Variants in NEGR1 observed in about 807,000 individuals in gnomAD.
NEGR1 encodes the protein neuronal growth regulator 1.
A neutral mutation model predicts 40.9 loss-of-function variants in NEGR1; 10 were observed. The observed-to-expected ratio is 0.24, with a 90% CI of 0.15 to 0.42. NEGR1 has a LOEUF of 0.42. NEGR1 is among the 10% of genes least tolerant of loss of function. The probability of loss-of-function intolerance (pLI) is 1.00; values close to 1 mark genes in which losing one functional copy is unlikely to be tolerated. For missense variants in NEGR1, 352 were observed against 438.9 expected, an observed-to-expected ratio of 0.80 and a Z score of 1.77; for synonymous variants, 185 against 166.8, an observed-to-expected ratio of 1.11 and a Z score of -0.84.
chr1:71,898,964 CATATATATATATATAGCATATATATATAT>C (rs1365883708), intron 2 of NEGR1, among the ~76,000 whole-genome samples: 46 of 95,936 alleles, frequency 4.8e-4, no homozygotes, highest in African/African-American at 1.9e-3. Context: ...ATATATATAG[CATATATATATATATAGCATATATATATAT>C]ATATATATAT....
At chr1:71,994,657 C>G (rs530357443) in intron 1 of NEGR1, among the ~76,000 whole-genome samples, 7 of 152,008 alleles carry the variant, frequency 4.6e-5, no homozygotes, top group African/African-American at 1.7e-4. Flanking sequence ...TTTGGTGTGT[C>G]ATTGTTTATT....
chr1:72,124,899 A>T (rs1489392167), intron 1 of NEGR1, among the ~76,000 whole-genome samples: 1 of 152,120 alleles, frequency 6.6e-6, no homozygotes, highest in African/African-American at 2.4e-5. Context: ...ATAATTTCTC[A>T]TTTGATAACA....
chr1:71,458,070 A>G (rs1294379399), intron 6 of NEGR1, among the ~76,000 whole-genome samples: 1 of 152,188 alleles, frequency 6.6e-6, no homozygotes, highest in Non-Finnish European at 1.5e-5. Context: ...ACACAGATAT[A>G]CAAGTCTTTT....
At chr1:71,929,031 T>C (rs555999824) in intron 2 of NEGR1, among the ~76,000 whole-genome samples, 1 of 152,242 alleles carries the variant, frequency 6.6e-6, no homozygotes, top group African/African-American at 2.4e-5. Context: ...TCTTAAATAT[T>C]TGAGATCACT....
intron 4 of NEGR1, among the ~76,000 whole-genome samples, chr1:71,643,466 A>G (rs1412058848): frequency 6.6e-6 from 1 of 152,054 alleles, no homozygotes; most frequent in Non-Finnish European, 1.5e-5. Flanking sequence ...TACATAGTTC[A>G]TTGACTTTTC....
At chr1:71,644,196 C>A (rs1401563423) in intron 4 of NEGR1, among the ~76,000 whole-genome samples, 1 of 151,934 alleles carries the variant, frequency 6.6e-6, no homozygotes, top group Non-Finnish European at 1.5e-5. Flanking sequence ...TTGAGTTCCT[C>A]TCTAGCCACA....
intron 1 of NEGR1, among the ~76,000 whole-genome samples, chr1:71,977,108 A>G (rs1416585357): frequency 2.0e-5 from 3 of 152,176 alleles, no homozygotes; most frequent in Non-Finnish European, 4.4e-5. Flanking sequence ...GGACTGTCTG[A>G]GGTCAGGAGT....
At chr1:71,623,213 C>T (rs999550872) in intron 4 of NEGR1, among the ~76,000 whole-genome samples, 5 of 151,728 alleles carry the variant, frequency 3.3e-5, no homozygotes, top group Admixed American at 6.6e-5. Flanking sequence ...GCCTCAACCC[C>T]GCCTTCAGTT....
At chr1:71,523,263 A>G (rs995077646) in intron 6 of NEGR1, among the ~76,000 whole-genome samples, 1 of 151,706 alleles carries the variant, frequency 6.6e-6, no homozygotes, top group Non-Finnish European at 1.5e-5. Flanking sequence ...TGTTGTGAGG[A>G]TGTAATTTCA....
intron 6 of NEGR1, among the ~76,000 whole-genome samples, chr1:71,427,561 T>C (rs977331970): frequency 6.6e-6 from 1 of 152,200 alleles, no homozygotes; most frequent in African/African-American, 2.4e-5. Flanking sequence ...TTAAAAGATA[T>C]TTAAATTACT....
chr1:72,032,811 GT>G (rs980604680), intron 1 of NEGR1, among the ~76,000 whole-genome samples: 5 of 152,006 alleles, frequency 3.3e-5, no homozygotes, highest in Non-Finnish European at 5.9e-5. Flanking sequence ...TCCTAGGTGA[GT>G]AGACTCCAGC....
At chr1:71,509,779 A>C (rs1647060595) in intron 6 of NEGR1, among the ~76,000 whole-genome samples, 1 of 152,178 alleles carries the variant, frequency 6.6e-6, no homozygotes, top group African/African-American at 2.4e-5. Flanking sequence ...TTCGACTATT[A>C]ATGAAAATGT....
At chr1:71,855,510 A>G (rs978809231) in intron 2 of NEGR1, among the ~76,000 whole-genome samples, 5 of 152,058 alleles carry the variant, frequency 3.3e-5, no homozygotes, top group African/African-American at 1.2e-4. Context: ...GGACATGTAT[A>G]TTGGCATTTG....
intron 3 of NEGR1, among the ~76,000 whole-genome samples, chr1:71,727,184 T>G (rs947393976): frequency 6.6e-6 from 1 of 152,116 alleles, no homozygotes; most frequent in East Asian, 1.9e-4. Context: ...GTCCCCTCCA[T>G]TCCTACCTAC....
At chr1:71,439,018 G>A (rs1174014152) in intron 6 of NEGR1, among the ~76,000 whole-genome samples, 1 of 152,044 alleles carries the variant, frequency 6.6e-6, no homozygotes, top group Non-Finnish European at 1.5e-5. Flanking sequence ...ACTATTCCCA[G>A]TCCAAAATTC....
chr1:71,876,596 GGAAGGAAA>G (rs983879546), intron 2 of NEGR1, among the ~76,000 whole-genome samples: 1 of 144,794 alleles, frequency 6.9e-6, no homozygotes, highest in African/African-American at 2.5e-5. Flanking sequence ...AAGGAAGGAA[GGAAGGAAA>G]GAAGGAAGGA....
chr1:71,566,418 T>TA (rs1418767951), intron 6 of NEGR1, among the ~76,000 whole-genome samples: 1 of 152,128 alleles, frequency 6.6e-6, no homozygotes, highest in Non-Finnish European at 1.5e-5. Context: ...GCTAGCTTTT[T>TA]AAAAAAGTGT....
At chr1:71,872,190 T>G (rs1660298525) in intron 2 of NEGR1, among the ~76,000 whole-genome samples, 1 of 152,158 alleles carries the variant, frequency 6.6e-6, no homozygotes, top group African/African-American at 2.4e-5. Context: ...AAAACTTGCT[T>G]TGAAGAGGTG....
Position 72,205,983 on chromosome 1 carries a change from T to C in NEGR1, c.176+76336A>G, listed in dbSNP as rs894281938. Among the ~76,000 whole-genome samples the C allele has an allele frequency of 4.0e-5, 6 of 148,744 alleles. No individual in the cohort carries two copies. In the Admixed American group the frequency reaches 4.1e-4, roughly 10 times the overall value. ...AATACAGATAATTACTTAGAGAATA[T>C]CTAGTATGTGTCAAACATGTAGCAA... is the stretch of plus-strand genomic sequence containing the variant. On this transcript the variant is annotated intron_variant, in intron 1 of 6. Transcript: ENST00000357731.
Sources: allele counts gnomAD v4.1 joint callset (sites outside exome capture counted in the v4.1 genomes callset), GRCh38; gene constraint gnomAD v4.1.1; transcripts MANE v1.5; gene names NCBI Gene and HGNC (gene_info 2026-07-23, HGNC 2026-07-21).